ZC3H12C: variants seen among roughly 807,000 people sequenced by gnomAD.
The protein encoded by ZC3H12C is probable ribonuclease ZC3H12C.
A neutral mutation model predicts 76.3 loss-of-function variants in ZC3H12C; 20 were observed. The observed-to-expected ratio is 0.26, with a 90% CI of 0.18 to 0.38. ZC3H12C has a LOEUF of 0.38. ZC3H12C is among the 10% of genes least tolerant of loss of function. The pLI is 1.00. For missense variants in ZC3H12C, 874 were observed against 1,086.5 expected (o/e 0.80, Z 2.75); for synonymous variants, 352 against 399.6 (o/e 0.88, Z 1.42).
intron 1 of ZC3H12C, among the ~76,000 whole-genome samples, chr11:110,120,750 C>T (rs1208164398): frequency 6.6e-6 from 1 of 152,166 alleles, no homozygotes; most frequent in Non-Finnish European, 1.5e-5. Context: ...TGTCATTTTT[C>T]AATCACTGTG....
rs138291908 is a variant in ZC3H12C at position 110,115,808 on chromosome 11, T to C, written c.22-20855T>C. 1.1e-4 allele frequency among the ~76,000 whole-genome samples: 16 copies of C among 148,728 alleles called. No individual in the cohort carries two copies. In the East Asian group the frequency reaches 3.3e-3, roughly 30 times the overall value. ...GTCTCACTCACTCTGTCTCCGAGGC[T>C]GGGGTGCAATAGCCTGGTCTTGGCT... On this transcript the variant is annotated intron_variant, in intron 1 of 5. Coordinates refer to ENST00000278590, the MANE Select transcript of ZC3H12C (RefSeq NM_033390.2).
In ZC3H12C at chr11:110,166,990, G is replaced by A. The variant is rs2134205298; in HGVS notation, c.*1253G>A. ...TAGATACAGACTAAGGTCTGTTCTA[G>A]TATTAGTAAGGGATATTTCTGGTTT... On this transcript the variant is annotated 3_prime_UTR_variant, in exon 6 of 6. Transcript: ENST00000278590. The A allele has an allele frequency of 6.6e-6, 1 of 152,350 alleles. No individual in the cohort carries two copies. The highest frequency in any genetic ancestry group is 3.4e-3 in the Middle Eastern group (1 of 294). 9.4% of individuals were successfully genotyped at this position (152,350 alleles called of 1,614,324 possible). A position where few individuals can be genotyped will look rare whatever the true frequency, so the allele number is the denominator to read the frequency against.
intron 2 of ZC3H12C, among the ~76,000 whole-genome samples, chr11:110,150,214 G>A (rs1368140103): frequency 6.6e-6 from 1 of 151,988 alleles, no homozygotes; most frequent in East Asian, 1.9e-4. Flanking sequence ...AAAACCTTTG[G>A]AGAATTTGAT....
Position 110,165,880 on chromosome 11 carries a change from T to A in ZC3H12C, c.*143T>A, listed in dbSNP as rs1862575762. 3 of 784,530 alleles carry A rather than the reference T, an allele frequency of 3.8e-6. No homozygotes were observed. Among genetic ancestry groups the A allele is most frequent in the Non-Finnish European group, 5.9e-6 (3 of 505,854 alleles). The allele number at this position is 784,530 out of a possible 1,614,324, so 48.6% of individuals were successfully genotyped here. ...TTATGTGAAATACTGTATCATGGAATCTGTATGTATAGCCCCACATGGTGG... is the reference window on the plus strand; with the variant it reads ...TTATGTGAAATACTGTATCATGGAAACTGTATGTATAGCCCCACATGGTGG... On this transcript the variant is annotated 3_prime_UTR_variant, in exon 6 of 6. Transcript: ENST00000278590.
intron 2 of ZC3H12C, among the ~76,000 whole-genome samples, chr11:110,152,657 A>AC (rs1446826815): frequency 6.6e-6 from 1 of 152,058 alleles, no homozygotes; most frequent in African/African-American, 2.4e-5. Context: ...TGACTAGTTA[A>AC]CCTTTAGAGC....
intron 1 of ZC3H12C, among the ~76,000 whole-genome samples, chr11:110,095,398 G>T (rs991585728): frequency 6.6e-6 from 1 of 152,160 alleles, no homozygotes; most frequent in Non-Finnish European, 1.5e-5. Context: ...ACTTCTTAGT[G>T]TGTTTCATTG....
chr11:110,154,476 C>G (rs1001753059), intron 3 of ZC3H12C, among the ~76,000 whole-genome samples: 3 of 152,126 alleles, frequency 2.0e-5, no homozygotes, highest in Non-Finnish European at 4.4e-5. Context: ...GAACCAGACC[C>G]TAGCCTATGT....
chr11:110,103,156 G>A (rs1591456570), intron 1 of ZC3H12C, among the ~76,000 whole-genome samples: 1 of 152,250 alleles, frequency 6.6e-6, no homozygotes, highest in East Asian at 1.9e-4. Flanking sequence ...TACATGCCAA[G>A]CAGATAGAAT....
chr11:110,120,022 G>A (rs1365522170), intron 1 of ZC3H12C, among the ~76,000 whole-genome samples: 1 of 152,062 alleles, frequency 6.6e-6, no homozygotes, highest in East Asian at 1.9e-4. Context: ...TATCTAAGAC[G>A]CCTTCCCTGA....
intron 1 of ZC3H12C, among the ~76,000 whole-genome samples, chr11:110,116,051 C>T (rs540344457): frequency 1.1e-4 from 16 of 152,262 alleles, no homozygotes; most frequent in South Asian, 1.0e-3. Flanking sequence ...TGAGCCACCA[C>T]GCCCGGCCTG....
At chr11:110,125,770 C>T (rs765413050) in intron 1 of ZC3H12C, among the ~76,000 whole-genome samples, 1 of 152,236 alleles carries the variant, frequency 6.6e-6, no homozygotes, top group Non-Finnish European at 1.5e-5. Context: ...CATGGCCCCA[C>T]ATACATCTGG....
intron 2 of ZC3H12C, among the ~76,000 whole-genome samples, chr11:110,140,978 G>A (rs991589611): frequency 1.3e-5 from 2 of 152,158 alleles, no homozygotes; most frequent in African/African-American, 4.8e-5. Context: ...ATATGCAAAA[G>A]TTAAATTGTG....
intron 4 of ZC3H12C, 53 bp downstream of exon 4, chr11:110,159,543 A>C: frequency 2.1e-6 from 3 of 1,409,204 alleles, no homozygotes; most frequent in Non-Finnish European, 2.9e-6. Context: ...AAATATAACT[A>C]TCCCTGGCAG....
intron 1 of ZC3H12C, among the ~76,000 whole-genome samples, chr11:110,093,638 G>C (rs1001561213): frequency 6.6e-6 from 1 of 151,842 alleles, no homozygotes; most frequent in Non-Finnish European, 1.5e-5. Flanking sequence ...AGGTGGGGCC[G>C]AGCGGAAAGC....
At chr11:110,115,851 C>A (rs1861519273) in intron 1 of ZC3H12C, among the ~76,000 whole-genome samples, 1 of 150,424 alleles carries the variant, frequency 6.6e-6, no homozygotes, top group Non-Finnish European at 1.5e-5. Flanking sequence ...ACCTTCGCCT[C>A]CTGGGTTCAA....
intron 3 of ZC3H12C, among the ~76,000 whole-genome samples, chr11:110,157,980 C>T (rs574048088): frequency 1.3e-5 from 2 of 151,954 alleles, no homozygotes; most frequent in Non-Finnish European, 2.9e-5. Flanking sequence ...TTAGTAAGTC[C>T]AGTTAATAAG....
rs1301338499 is a variant in ZC3H12C at position 110,126,266 on chromosome 11, C to T, written c.22-10397C>T. Among the ~76,000 whole-genome samples the T allele has an allele frequency of 2.9e-5, 4 of 138,098 alleles. No homozygotes were observed. In the East Asian group the frequency reaches 8.5e-4, roughly 29 times the overall value. The allele number at this position is 138,098 out of a possible 152,430, so 90.6% of individuals were successfully genotyped here. On this transcript the variant is annotated intron_variant, in intron 1 of 5. Transcript: ENST00000278590. ...TGAGATGAGGTCTCACTCTGTTGCC[C>T]AGGCTGGAGTGCAACTCCAGCTCAC...
chr11:110,140,466 T>C (rs889393252), intron 2 of ZC3H12C, among the ~76,000 whole-genome samples: 3 of 152,228 alleles, frequency 2.0e-5, no homozygotes, highest in African/African-American at 7.2e-5. Context: ...CTTCCAGATT[T>C]TATATAAAAT....
rs569029540 is a variant in ZC3H12C at position 110,168,401 on chromosome 11, A to T, written c.*2664A>T. On this transcript the variant is annotated 3_prime_UTR_variant, in exon 6 of 6. Transcript: ENST00000278590. ...CAGACTTTAGGTACAGCAAATTCTT[A>T]CTTATCTAAAGCAATAAGTCAAAGG... 1 of 152,270 alleles carries T rather than the reference A, an allele frequency of 6.6e-6. No homozygotes were observed. Among genetic ancestry groups the T allele is most frequent in the East Asian group, 1.9e-4 (1 of 5,190 alleles). 9.4% of individuals were successfully genotyped at this position (152,270 alleles called of 1,614,324 possible).
Sources: allele counts gnomAD v4.1 joint callset (sites outside exome capture counted in the v4.1 genomes callset), GRCh38; gene constraint gnomAD v4.1.1; transcripts MANE v1.5; gene names NCBI Gene and HGNC (gene_info 2026-07-23, HGNC 2026-07-21).